HS6ST2: variants seen among roughly 807,000 people sequenced by gnomAD.
HS6ST2 encodes the protein heparan-sulfate 6-O-sulfotransferase 2.
A neutral mutation model predicts 33.0 loss-of-function variants in HS6ST2; 17 were observed. The observed-to-expected ratio is 0.52, with a 90% CI of 0.35 to 0.77. The LOEUF (loss-of-function observed/expected upper bound fraction) is 0.77, where lower values mean the gene tolerates loss of function less well. Among genes scored for constraint, HS6ST2 ranks in the 30% least tolerant of loss-of-function variants. HS6ST2 has a pLI of 0.01. For synonymous variants in HS6ST2, 248 were observed against 237.1 expected (o/e 1.05, Z -0.42); for missense variants, 519 against 551.7 (o/e 0.94, Z 0.59).
At chrX:132,908,218 T>C (rs2066493510) in intron 2 of HS6ST2, among the ~76,000 whole-genome samples, 1 of 79,052 alleles carries the variant, frequency 1.3e-5, no homozygotes, top group Non-Finnish European at 2.4e-5. Flanking sequence ...GAGGTAACCC[T>C]TCACAAACCT....
intron 2 of HS6ST2, among the ~76,000 whole-genome samples, chrX:132,933,945 A>G (rs2066799192): frequency 9.0e-6 from 1 of 111,494 alleles, no homozygotes; most frequent in Admixed American, 9.5e-5. Context: ...ATCTCATGCT[A>G]ACAGTCCTGC....
intron 2 of HS6ST2, among the ~76,000 whole-genome samples, chrX:132,730,906 AT>A (rs773336009): frequency 8.9e-6 from 1 of 111,955 alleles, no homozygotes; most frequent in African/African-American, 3.2e-5. Context: ...CTGGGAAGCC[AT>A]TGAAACACAC....
At chrX:132,856,785 G>A (rs772466367) in intron 2 of HS6ST2, among the ~76,000 whole-genome samples, 1 of 111,869 alleles carries the variant, frequency 8.9e-6, no homozygotes, top group African/African-American at 3.2e-5. Context: ...CTCAAGCTGC[G>A]TCAGATCAGG....
chrX:132,842,545 A>T (rs1041819000), intron 2 of HS6ST2, among the ~76,000 whole-genome samples: 1 of 111,704 alleles, frequency 9.0e-6, no homozygotes, highest in African/African-American at 3.3e-5. Context: ...AAATCCCGAG[A>T]GAGAAAGACA....
intron 2 of HS6ST2, among the ~76,000 whole-genome samples, chrX:132,874,471 G>C (rs2066091408): frequency 9.0e-6 from 1 of 111,704 alleles, no homozygotes; most frequent in South Asian, 3.8e-4. Flanking sequence ...AGCTACTCAG[G>C]AGGCTGAGGC....
At chrX:132,786,674 T>C (rs1303348700) in intron 2 of HS6ST2, among the ~76,000 whole-genome samples, 1 of 108,270 alleles carries the variant, frequency 9.2e-6, no homozygotes, top group Non-Finnish European at 1.9e-5. Context: ...CTGGATGGAG[T>C]GCCAAGGCCC....
At chrX:132,953,537 C>T (rs1192215493) in intron 2 of HS6ST2, among the ~76,000 whole-genome samples, 1 of 111,856 alleles carries the variant, frequency 8.9e-6, no homozygotes, top group Non-Finnish European at 1.9e-5. Context: ...GCCTCTGATA[C>T]CTCCCTAATG....
At chrX:132,637,879 TA>T (rs1459619033) in intron 4 of HS6ST2, among the ~76,000 whole-genome samples, 6 of 24,181 alleles carry the variant, frequency 2.5e-4, no homozygotes, top group African/African-American at 2.6e-3. Context: ...ATATATAATA[TA>T]TATATAATAT....
chrX:132,947,720 T>A (rs752699848), intron 2 of HS6ST2, among the ~76,000 whole-genome samples: 28 of 112,029 alleles, frequency 2.5e-4, no homozygotes, highest in Non-Finnish European at 4.5e-4. Flanking sequence ...ATTGTGATAA[T>A]CTAGGTCTTA....
intron 2 of HS6ST2, among the ~76,000 whole-genome samples, chrX:132,762,096 T>C (rs897955853): frequency 8.9e-6 from 1 of 112,484 alleles, no homozygotes; most frequent in African/African-American, 3.2e-5. Flanking sequence ...TTCAGCATTA[T>C]AAGCAGCTTG....
At chrX:132,634,704 G>A (rs1603288115) in intron 4 of HS6ST2, among the ~76,000 whole-genome samples, 1 of 111,996 alleles carries the variant, frequency 8.9e-6, no homozygotes, top group Non-Finnish European at 1.9e-5. Context: ...AACAGCAAAA[G>A]CCTTGTTCCA....
chrX:132,875,016 T>A (rs2066097374), intron 2 of HS6ST2, among the ~76,000 whole-genome samples: 1 of 111,213 alleles, frequency 9.0e-6, no homozygotes. Flanking sequence ...AGAGCAGAAG[T>A]CCAAGAGTAG....
chrX:132,949,556 C>A (rs1279312560), intron 2 of HS6ST2, among the ~76,000 whole-genome samples: 2 of 110,131 alleles, frequency 1.8e-5, no homozygotes, highest in Non-Finnish European at 3.8e-5. Context: ...TTTATTAGGG[C>A]TGAGGCTACT....
At chrX:132,952,028 CG>C (rs1325996552) in intron 2 of HS6ST2, among the ~76,000 whole-genome samples, 1 of 111,805 alleles carries the variant, frequency 8.9e-6, no homozygotes, top group Admixed American at 9.5e-5. Context: ...CAGAAAAAAA[CG>C]GATGGCTATT....
At position 132,727,603 on chromosome X, in the gene HS6ST2, G is replaced by GTGTTT. The variant is rs779796388; in HGVS notation, c.948-19114_948-19110dup. Among the ~76,000 whole-genome samples the GTGTTT allele has an allele frequency of 2.6e-3, 285 of 111,262 alleles. 1 individual carries two copies. Among genetic ancestry groups the GTGTTT allele is most frequent in the African/African-American group, 8.7e-3 (265 of 30,604 alleles). On this transcript the variant is annotated intron_variant, in intron 2 of 4. Coordinates refer to ENST00000370833, the MANE Select transcript of HS6ST2 (RefSeq NM_001394073.1). ...AAGAGGGTAGCAGCCACGGATTCAGGTGTTTTGTTTTGTTTTGTTGTTCAT... is the reference window on the plus strand; with the variant it reads ...AAGAGGGTAGCAGCCACGGATTCAGGTGTTTTGTTTTGTTTTGTTTTGTTGTTCAT...
At chrX:132,840,618 A>G (rs2065699292) in intron 2 of HS6ST2, among the ~76,000 whole-genome samples, 1 of 111,980 alleles carries the variant, frequency 8.9e-6, no homozygotes, top group Admixed American at 9.5e-5. Context: ...TTGGAAGCTC[A>G]TAAAATATTA....
intron 2 of HS6ST2, among the ~76,000 whole-genome samples, chrX:132,838,637 A>G (rs754880193): frequency 2.7e-5 from 3 of 111,843 alleles, no homozygotes; most frequent in Admixed American, 9.5e-5. Flanking sequence ...CTTCCAAATG[A>G]ATGCAAGAAG....
intron 2 of HS6ST2, among the ~76,000 whole-genome samples, chrX:132,789,934 T>C (rs747823473): frequency 8.9e-6 from 1 of 112,202 alleles, no homozygotes; most frequent in East Asian, 2.8e-4. Flanking sequence ...AAGAAAGTGG[T>C]TTCTTGAGAT....
chrX:132,802,731 T>C (rs770016923), intron 2 of HS6ST2, among the ~76,000 whole-genome samples: 1 of 109,952 alleles, frequency 9.1e-6, no homozygotes, highest in South Asian at 4.0e-4. Context: ...AACACCAAAC[T>C]GAGCCTCTGT....
Sources: allele counts gnomAD v4.1 joint callset (sites outside exome capture counted in the v4.1 genomes callset), GRCh38; gene constraint gnomAD v4.1.1; transcripts MANE v1.5; gene names NCBI Gene and HGNC (gene_info 2026-07-23, HGNC 2026-07-21).